Variants in CAPG observed in about 807,000 individuals in gnomAD.
The protein encoded by CAPG is capping actin protein, gelsolin like.
A neutral mutation model predicts 44.6 loss-of-function variants in CAPG; 32 were observed. That is an observed-to-expected ratio of 0.72 (90% confidence interval 0.54 to 0.96). CAPG has a LOEUF of 0.96. Ranked by LOEUF, CAPG falls within the 50% of genes least tolerant of loss-of-function variation. The probability of loss-of-function intolerance (pLI) is 0.00; values close to 1 mark genes in which losing one functional copy is unlikely to be tolerated. For synonymous variants in CAPG, 175 were observed against 179.6 expected (o/e 0.97, Z 0.20); for missense variants, 412 against 438.3 (o/e 0.94, Z 0.54).
At chr2:85,411,049 C>G (rs547288704), upstream of CAPG, among the ~76,000 whole-genome samples, 1 of 151,926 alleles carries the variant, frequency 6.6e-6, no homozygotes. Flanking sequence ...TTTCTGGAGA[C>G]AGAGTCTTGC....
At chr2:85,403,834 C>G (rs1397240707) in intron 1 of CAPG, among the ~76,000 whole-genome samples, 2 of 141,884 alleles carry the variant, frequency 1.4e-5, no homozygotes, top group African/African-American at 5.3e-5. Context: ...CTGCAGTGAG[C>G]TAAGCCCATG....
chr2:85,392,973 A>G (rs1686440544), downstream of CAPG, among the ~76,000 whole-genome samples: 1 of 152,056 alleles, frequency 6.6e-6, no homozygotes, highest in East Asian at 1.9e-4. Flanking sequence ...GCAATTTTAA[A>G]TTTACAGTTC....
At chr2:85,398,360 C>T (rs1558730489) in intron 7 of CAPG, 1 of 619,680 alleles carries the variant, frequency 1.6e-6, no homozygotes, top group Non-Finnish European at 2.8e-6. Flanking sequence ...CCCTGCAGCA[C>T]AGGGGCCCCG....
intron 6 of CAPG, 67 bp from the exon 7 acceptor site, chr2:85,398,849 C>A: frequency 8.0e-7 from 1 of 1,252,334 alleles, no homozygotes; most frequent in Non-Finnish European, 1.1e-6. Flanking sequence ...CCCATCATGC[C>A]CAGGGCCACT....
chr2:85,404,791 T>TTAC (rs1378731822), intron 1 of CAPG, among the ~76,000 whole-genome samples: 6 of 151,728 alleles, frequency 4.0e-5, no homozygotes, highest in African/African-American at 1.5e-4. Context: ...CAGCCAAATG[T>TTAC]GGTAGTGCAA....
Position 85,395,517 on chromosome 2 carries a change from T to C in CAPG, c.981+21A>G, listed in dbSNP as rs1274666067. 6.2e-7 allele frequency: 1 copy of C among 1,602,962 alleles called. No individual in the cohort carries two copies. Among genetic ancestry groups the C allele is most frequent in the African/African-American group, 1.3e-5 (1 of 74,836 alleles). Reference sequence around the variant, plus strand: ...AGGAAGAGCCCTAGGAAGAGGGCTGTGGTTGTGCGCATCTCCTCACCTGAG... The same window carrying C: ...AGGAAGAGCCCTAGGAAGAGGGCTGCGGTTGTGCGCATCTCCTCACCTGAG... On this transcript the variant is annotated intron_variant, in intron 9 of 9. Coordinates refer to ENST00000263867, the MANE Select transcript of CAPG (RefSeq NM_001747.4). The surrounding 1 kb of genome is among the most constrained non-coding windows in gnomAD (Gnocchi z 4.3).
intron 6 of CAPG, 102 bp downstream of exon 6, chr2:85,399,034 C>G: frequency 7.4e-7 from 1 of 1,360,360 alleles, no homozygotes; most frequent in Non-Finnish European, 1.0e-6. Flanking sequence ...CAGATGGCCC[C>G]TGCCACCCTC....
chr2:85,396,187 T>A (rs72831541), intron 8 of CAPG, among the ~76,000 whole-genome samples: 3 of 152,014 alleles, frequency 2.0e-5, no homozygotes, highest in Admixed American at 2.0e-4. Flanking sequence ...CCAGGCTTTT[T>A]TATTTTTATT....
At chr2:85,406,978 T>A (rs1440739393) in intron 1 of CAPG, among the ~76,000 whole-genome samples, 1 of 151,216 alleles carries the variant, frequency 6.6e-6, no homozygotes. Context: ...CTGCCCAGGC[T>A]GGAGCGCAGT....
In CAPG at chr2:85,398,086, G is replaced by A; in HGVS notation, c.826C>T (p.Leu276=). The A allele has an allele frequency of 6.2e-7, 1 of 1,614,116 alleles. No homozygotes were observed. Among genetic ancestry groups the A allele is most frequent in the East Asian group, 2.2e-5 (1 of 44,876 alleles). Residue 276 remains leucine (L), a synonymous_variant, in exon 8 of 10, where the codon CTG becomes TTG. Transcript: ENST00000263867. The part of the protein sequence containing the change: ...VADSSPFALE[L]LISDDCFVLD... ...ACAAAGCAGTCATCAGATATCAGCAGTTCAAGGGCAAATGGGCTGGAGTCA... is the reference window on the plus strand; with the variant it reads ...ACAAAGCAGTCATCAGATATCAGCAATTCAAGGGCAAATGGGCTGGAGTCA...
chr2:85,418,240 C>G (rs1370648599), intron 1 of CAPG: 1 of 152,238 alleles, frequency 6.6e-6, no homozygotes, highest in South Asian at 2.1e-4. Flanking sequence ...CCAGAGCGCG[C>G]CCCTCTTTGT....
Position 85,398,126 on chromosome 2 carries a change from G to GTTC in CAPG, c.783_785dup (p.Met261_Asn262insLys). On this transcript the variant is annotated inframe_insertion, in exon 8 of 10. Transcript: ENST00000263867. ...GGCTGGAGTCAGCCACCTTGGTCAG[G>GTTC]TTCATCTGTCCAGTGGCATCAGAGA... The GTTC allele has an allele frequency of 6.2e-7, 1 of 1,613,904 alleles. No individual in the cohort carries two copies. The highest frequency in any genetic ancestry group is 8.5e-7 in the Non-Finnish European group (1 of 1,179,994).
At chr2:85,415,023 C>A (rs1420305883), upstream of CAPG, among the ~76,000 whole-genome samples, 1 of 152,226 alleles carries the variant, frequency 6.6e-6, no homozygotes, top group East Asian at 1.9e-4. Context: ...GAATGAGTTT[C>A]TCTGAAGTCC....
downstream of CAPG, among the ~76,000 whole-genome samples, chr2:85,393,810 C>T (rs540957001): frequency 2.6e-5 from 4 of 152,294 alleles, no homozygotes; most frequent in Middle Eastern, 6.8e-3. Context: ...ATGATCCGCC[C>T]GTCTTGCCCT....
intron 1 of CAPG, among the ~76,000 whole-genome samples, chr2:85,405,058 T>C (rs186313080): frequency 6.6e-6 from 1 of 152,160 alleles, no homozygotes; most frequent in East Asian, 1.9e-4. Flanking sequence ...CCTAACATTA[T>C]ATTTAATGGC....
At chr2:85,405,978 G>T (rs1687128841) in intron 1 of CAPG, among the ~76,000 whole-genome samples, 1 of 152,182 alleles carries the variant, frequency 6.6e-6, no homozygotes, top group Non-Finnish European at 1.5e-5. Flanking sequence ...CAGCCTACAT[G>T]CCAGAGAGCC....
chr2:85,413,448 C>A (rs186341611), upstream of CAPG, among the ~76,000 whole-genome samples: 1,293 of 152,234 alleles, frequency 8.5e-3, 23 homozygotes, highest in African/African-American at 0.03. Context: ...GGCGTGGTGG[C>A]GGGCGCCTAT....
chr2:85,418,875 C>G (rs1687647438), upstream of CAPG: 1 of 152,500 alleles, frequency 6.6e-6, no homozygotes, highest in African/African-American at 2.4e-5. Flanking sequence ...CCTGGAGTCG[C>G]TGGTCCGAGC....
chr2:85,404,273 C>CA (rs75426587), intron 1 of CAPG, among the ~76,000 whole-genome samples: 10,829 of 94,168 alleles, frequency 0.11, 476 homozygotes, highest in South Asian at 0.2. Flanking sequence ...GCTCACAACG[C>CA]AAAAAAAAAA....
Sources: allele counts gnomAD v4.1 joint callset (sites outside exome capture counted in the v4.1 genomes callset), GRCh38; gene constraint gnomAD v4.1.1; non-coding constraint Gnocchi (gnomAD v3.1); transcripts MANE v1.5; gene names NCBI Gene and HGNC (gene_info 2026-07-23, HGNC 2026-07-21).